Variants in LYZL1 observed in about 807,000 individuals in gnomAD.
LYZL1 encodes the protein lysozyme-like protein 1.
LYZL1 carries 16 observed loss-of-function variants against 17.9 expected under a neutral mutation model. That is an observed-to-expected ratio of 0.90 (90% confidence interval 0.61 to 1.36). The LOEUF (loss-of-function observed/expected upper bound fraction) is 1.36. Ranked by LOEUF, LYZL1 falls within the 40% of genes most tolerant of loss-of-function variation. The probability of loss-of-function intolerance (pLI) is 0.00; values close to 1 mark genes in which losing one functional copy is unlikely to be tolerated. For missense variants in LYZL1, 149 were observed against 188.4 expected (o/e 0.79, Z 1.22); for synonymous variants, 58 against 71.8 (o/e 0.81, Z 0.97).
chr10:29,297,955 A>C (rs568057488), intron 3 of LYZL1, among the ~76,000 whole-genome samples: 1 of 152,316 alleles, frequency 6.6e-6, no homozygotes, highest in African/African-American at 2.4e-5. Context: ...CTTAGGGAAA[A>C]CCATTTCCAC....
At chr10:29,310,408 G>A (rs1414013761) in intron 4 of LYZL1, among the ~76,000 whole-genome samples, 2 of 151,834 alleles carry the variant, frequency 1.3e-5, no homozygotes, top group Non-Finnish European at 2.9e-5. Context: ...AAGATAATTT[G>A]CAATTGCTTT....
downstream of LYZL1, among the ~76,000 whole-genome samples, chr10:29,311,942 G>C (rs1307546130): frequency 1.3e-5 from 2 of 151,776 alleles, no homozygotes; most frequent in East Asian, 2.0e-4. Flanking sequence ...CTGGGTGACA[G>C]AGCAAGACTC....
chr10:29,290,754 G>A lies in LYZL1; in HGVS notation c.-25-1089G>A, dbSNP rs559029511. On this transcript the variant is annotated intron_variant, in intron 1 of 4. Transcript: ENST00000649382. ...CTCAGGAGGCTGAGGCAGGAGAATC[G>A]CTTGAACCTGGGAGGCAGAGTTTGG... Among the ~76,000 whole-genome samples, 6 of 152,184 alleles carry A rather than the reference G, an allele frequency of 3.9e-5. No individual in the cohort carries two copies. In the South Asian group the frequency reaches 8.3e-4, roughly 21 times the overall value.
At chr10:29,290,795 C>T (rs577292414) in intron 1 of LYZL1, among the ~76,000 whole-genome samples, 44 of 152,046 alleles carry the variant, frequency 2.9e-4, no homozygotes, top group African/African-American at 9.9e-4. Flanking sequence ...GCCCAGATGG[C>T]GCCACTGCAC....
chr10:29,313,732 T>A (rs914046286), downstream of LYZL1, among the ~76,000 whole-genome samples: 4 of 152,226 alleles, frequency 2.6e-5, no homozygotes, highest in African/African-American at 9.6e-5. Flanking sequence ...TATGCCTGAG[T>A]TATCTTTATT....
chr10:29,303,951 G>A (rs533528476), intron 3 of LYZL1, among the ~76,000 whole-genome samples: 1 of 152,192 alleles, frequency 6.6e-6, no homozygotes, highest in Non-Finnish European at 1.5e-5. Context: ...GTAGAGAAGG[G>A]GGTCTCGCCA....
chr10:29,300,325 G>T (rs1420509862), intron 3 of LYZL1, among the ~76,000 whole-genome samples: 1 of 151,808 alleles, frequency 6.6e-6, no homozygotes, highest in East Asian at 1.9e-4. Flanking sequence ...TTACTCTAGG[G>T]TTTCCAATAG....
At chr10:29,314,326 C>G (rs1835705133), downstream of LYZL1, among the ~76,000 whole-genome samples, 1 of 152,224 alleles carries the variant, frequency 6.6e-6, no homozygotes, top group Non-Finnish European at 1.5e-5. Context: ...ACAATCCCTG[C>G]TGCAGTGCTA....
At chr10:29,308,101 T>G (rs1216536494) in intron 3 of LYZL1, among the ~76,000 whole-genome samples, 2 of 152,172 alleles carry the variant, frequency 1.3e-5, no homozygotes, top group Non-Finnish European at 2.9e-5. Flanking sequence ...TTTTTGTCCT[T>G]GATTGGTGGT....
downstream of LYZL1, among the ~76,000 whole-genome samples, chr10:29,314,883 T>C (rs1254471907): frequency 1.3e-5 from 2 of 152,182 alleles, no homozygotes; most frequent in African/African-American, 2.4e-5. Flanking sequence ...AGGCCCCTGC[T>C]GCCCTGCGGG....
intron 3 of LYZL1, among the ~76,000 whole-genome samples, chr10:29,303,845 A>G (rs1218832672): frequency 1.3e-5 from 2 of 152,214 alleles, no homozygotes; most frequent in African/African-American, 4.8e-5. Flanking sequence ...GAAACTGAAA[A>G]AAAGTTAGCA....
At position 29,311,112 on chromosome 10, in the gene LYZL1, A is replaced by G; in HGVS notation, c.*53A>G. 6.2e-7 allele frequency: 1 copy of G among 1,614,024 alleles called. No individual in the cohort carries two copies. Among genetic ancestry groups the G allele is most frequent in the East Asian group, 2.2e-5 (1 of 44,884 alleles). On this transcript the variant is annotated 3_prime_UTR_variant, in exon 5 of 5. Coordinates refer to ENST00000649382, the MANE Select transcript of LYZL1 (RefSeq NM_032517.6). Reference sequence around the variant, plus strand: ...AGCAACGCCCTAGGATTTGCAGTGAATGTCCAAATGCCTGTGTCATCTTGT... The same window carrying G: ...AGCAACGCCCTAGGATTTGCAGTGAGTGTCCAAATGCCTGTGTCATCTTGT...
rs758322570 is a variant in LYZL1 at position 29,292,005 on chromosome 10, CTG to C, written c.139+2_139+3del. The C allele has an allele frequency of 2.0e-4, 252 of 1,280,864 alleles. 60 individuals are homozygous for C. The highest frequency in any genetic ancestry group is 2.6e-4 in the Non-Finnish European group (231 of 904,420). The allele number at this position is 1,280,864 out of a possible 1,614,324, so 79.3% of individuals were successfully genotyped here. On this transcript the variant is annotated splice_donor_variant and coding_sequence_variant, in exon 2 of 5. Coordinates refer to ENST00000649382, the MANE Select transcript of LYZL1 (RefSeq NM_032517.6). LOFTEE classifies it high-confidence loss of function. ...ATTACTGGGGCTTCAGCCTTGGAAA[CTG>C]TGAGACTCTTTCTTTCCTGCTCTCC...
intron 1 of LYZL1, among the ~76,000 whole-genome samples, chr10:29,290,033 C>T (rs1056010701): frequency 1.2e-4 from 19 of 152,290 alleles, no homozygotes; most frequent in Admixed American, 7.8e-4. Flanking sequence ...TACCTTATTG[C>T]TTAGTCACCT....
intron 3 of LYZL1, among the ~76,000 whole-genome samples, chr10:29,300,339 T>A (rs1253374728): frequency 3.9e-5 from 6 of 152,190 alleles, no homozygotes; most frequent in Non-Finnish European, 8.8e-5. Flanking sequence ...CCAATAGGCA[T>A]CATTATCGTA....
intron 3 of LYZL1, among the ~76,000 whole-genome samples, chr10:29,293,129 TTTTTC>T (rs1169854088): frequency 1.7e-5 from 2 of 115,780 alleles, no homozygotes; most frequent in South Asian, 2.7e-4. Context: ...TTTCTTTTCT[TTTTTC>T]TTTTTTTTTT....
chr10:29,298,429 A>T (rs1322496281), intron 3 of LYZL1, among the ~76,000 whole-genome samples: 2 of 152,092 alleles, frequency 1.3e-5, no homozygotes, highest in Admixed American at 6.6e-5. Flanking sequence ...GCCTACTCTT[A>T]TTTAAACCCC....
At chr10:29,302,968 C>T (rs996070844) in intron 3 of LYZL1, among the ~76,000 whole-genome samples, 1 of 152,130 alleles carries the variant, frequency 6.6e-6, no homozygotes, top group African/African-American at 2.4e-5. Context: ...GTCCCACTAC[C>T]AAGGCATAAC....
intron 3 of LYZL1, among the ~76,000 whole-genome samples, chr10:29,305,124 C>T (rs1835573494): frequency 6.6e-6 from 1 of 152,082 alleles, no homozygotes. Context: ...CCTCTAGAGA[C>T]CGCCCCAAAC....
Sources: gnomAD v4.1 joint callset for allele counts (sites outside exome capture counted in the v4.1 genomes callset) on GRCh38, gnomAD v4.1.1 for gene constraint, MANE v1.5 for transcripts, NCBI Gene and HGNC (gene_info 2026-07-23, HGNC 2026-07-21) for gene names.